SIPA1L1: variants seen among roughly 807,000 people sequenced by gnomAD.
The protein encoded by SIPA1L1 is signal induced proliferation associated 1 like 1.
SIPA1L1 carries 26 observed loss-of-function variants against 162.7 expected under a neutral mutation model. That is an observed-to-expected ratio of 0.16 (90% CI 0.12 to 0.22). The LOEUF is 0.22. Among genes scored for constraint, SIPA1L1 ranks in the 10% least tolerant of loss-of-function variants. SIPA1L1 has a pLI of 1.00. For synonymous variants in SIPA1L1, 829 were observed against 837.4 expected, an observed-to-expected ratio of 0.99 and a Z score of 0.17; for missense variants, 1,874 against 2,241.0, an observed-to-expected ratio of 0.84 and a Z score of 3.31.
intron 2 of SIPA1L1, among the ~76,000 whole-genome samples, chr14:71,391,103 CTTTTTTTTTT>C (rs36003254): frequency 2.8e-5 from 3 of 108,460 alleles, no homozygotes; most frequent in African/African-American, 1.0e-4. Context: ...TATTCAGTAT[CTTTTTTTTTT>C]TTTTTTTTTT....
chr14:71,525,564 C>T (rs1034835939), intron 3 of SIPA1L1, among the ~76,000 whole-genome samples: 2 of 152,202 alleles, frequency 1.3e-5, no homozygotes, highest in African/African-American at 4.8e-5. Flanking sequence ...TAAGCCCATA[C>T]AATAGAACGT....
intron 7 of SIPA1L1, among the ~76,000 whole-genome samples, chr14:71,646,656 C>T (rs754635959): frequency 3.6e-4 from 55 of 152,206 alleles, no homozygotes; most frequent in Non-Finnish European, 6.9e-4. Context: ...ACCACCATCA[C>T]TTTTGTATGT....
intron 19 of SIPA1L1, among the ~76,000 whole-genome samples, chr14:71,729,670 G>C (rs952523257): frequency 6.6e-6 from 1 of 152,164 alleles, no homozygotes; most frequent in Non-Finnish European, 1.5e-5. Flanking sequence ...GAGAGGTTTT[G>C]TGCTCCCGTT....
intron 2 of SIPA1L1, among the ~76,000 whole-genome samples, chr14:71,440,962 A>T (rs943466245): frequency 1.1e-4 from 17 of 152,264 alleles, no homozygotes; most frequent in African/African-American, 3.6e-4. Context: ...CTTTGCATAA[A>T]ACTGAAATTG....
At chr14:71,661,802 A>G (rs1296553965) in intron 10 of SIPA1L1, among the ~76,000 whole-genome samples, 3 of 152,250 alleles carry the variant, frequency 2.0e-5, no homozygotes, top group East Asian at 3.8e-4. Flanking sequence ...AAGAACGATT[A>G]TAATAAATAG....
chr14:71,328,403 G>C (rs1351240772), intron 2 of SIPA1L1, among the ~76,000 whole-genome samples: 3 of 152,212 alleles, frequency 2.0e-5, no homozygotes, highest in Non-Finnish European at 4.4e-5. Flanking sequence ...TCTCCTGGGG[G>C]AGAATGCTAG....
intron 12 of SIPA1L1, among the ~76,000 whole-genome samples, chr14:71,677,435 C>G (rs1357774157): frequency 3.9e-5 from 6 of 152,174 alleles, no homozygotes; most frequent in African/African-American, 1.4e-4. Context: ...CCTGTTCACT[C>G]TGATAGTAGT....
chr14:71,551,737 C>G (rs2055851937), intron 4 of SIPA1L1, among the ~76,000 whole-genome samples: 1 of 152,130 alleles, frequency 6.6e-6, no homozygotes, highest in African/African-American at 2.4e-5. Flanking sequence ...CTTTTCTTTT[C>G]TGGGTCATTT....
intron 2 of SIPA1L1, among the ~76,000 whole-genome samples, chr14:71,334,141 C>T (rs2034845283): frequency 1.3e-5 from 2 of 152,120 alleles, no homozygotes; most frequent in African/African-American, 4.8e-5. Context: ...CCAAGTGGAG[C>T]AGTCAGGTAG....
At chr14:71,407,478 C>CCCTTCCCTCCCCTTCCTT (rs2042105523) in intron 2 of SIPA1L1, among the ~76,000 whole-genome samples, 1 of 108,988 alleles carries the variant, frequency 9.2e-6, no homozygotes, top group Non-Finnish European at 2.0e-5. Flanking sequence ...TCCCTCCATT[C>CCCTTCCCTCCCCTTCCTT]CCTTCCCTCC....
At chr14:71,469,246 C>A (rs767243704) in intron 2 of SIPA1L1, among the ~76,000 whole-genome samples, 10 of 152,162 alleles carry the variant, frequency 6.6e-5, no homozygotes, top group Non-Finnish European at 1.3e-4. Context: ...AACCAAGCCC[C>A]AGCATCCCCA....
chr14:71,580,186 C>T (rs1447026339), intron 4 of SIPA1L1, among the ~76,000 whole-genome samples: 2 of 152,178 alleles, frequency 1.3e-5, no homozygotes, highest in South Asian at 2.1e-4. Flanking sequence ...TCTTCTTCCC[C>T]AGTATGCGAT....
intron 2 of SIPA1L1, among the ~76,000 whole-genome samples, chr14:71,370,629 C>G (rs1354461313): frequency 2.6e-5 from 4 of 152,148 alleles, no homozygotes; most frequent in Non-Finnish European, 5.9e-5. Flanking sequence ...CATATATGTA[C>G]TAAGAGCATA....
chr14:71,412,334 G>A (rs952524465), intron 2 of SIPA1L1, among the ~76,000 whole-genome samples: 2 of 152,160 alleles, frequency 1.3e-5, no homozygotes, highest in Non-Finnish European at 2.9e-5. Flanking sequence ...ATCAGCTATC[G>A]TTAGTGTATT....
chr14:71,428,301 A>G (rs570023551), intron 2 of SIPA1L1, among the ~76,000 whole-genome samples: 1 of 151,530 alleles, frequency 6.6e-6, no homozygotes, highest in East Asian at 1.9e-4. Context: ...CTGGCTGAAA[A>G]CTGGACATTT....
At chr14:71,374,034 G>GTCTTT (rs1346422700) in intron 2 of SIPA1L1, among the ~76,000 whole-genome samples, 1 of 152,196 alleles carries the variant, frequency 6.6e-6, no homozygotes, top group Non-Finnish European at 1.5e-5. Context: ...CAAGGAAGTG[G>GTCTTT]TCTTTGGAGC....
At chr14:71,587,539 C>T in intron 4 of SIPA1L1, 32 bp from the exon 5 acceptor site, 1 of 408,066 alleles carries the variant, frequency 2.5e-6, no homozygotes, top group Non-Finnish European at 4.3e-6. Flanking sequence ...ATGTATTTAT[C>T]TGCTAATTCA....
At chr14:71,634,453 A>G (rs1415172552) in intron 7 of SIPA1L1, among the ~76,000 whole-genome samples, 6 of 145,706 alleles carry the variant, frequency 4.1e-5, no homozygotes, top group Non-Finnish European at 9.1e-5. Flanking sequence ...TGAATCACAG[A>G]TTTTTTTTTT....
rs977349307 is a variant in SIPA1L1, at chr14:71,513,970, C to T, written c.-362+1125C>T. Among the ~76,000 whole-genome samples, 14 of 152,080 alleles carry T rather than the reference C, an allele frequency of 9.2e-5. No homozygotes were observed. The South Asian group carries it at 1.0e-3, about 11-fold the overall frequency. Reference sequence around the variant, plus strand: ...TGCTCTAAAGGCCTTTCATTACCGGCGGCGAATCCGTACGGGTCTGCAGCA... The same window carrying T: ...TGCTCTAAAGGCCTTTCATTACCGGTGGCGAATCCGTACGGGTCTGCAGCA... On this transcript the variant is annotated intron_variant, in intron 3 of 23. Transcript: ENST00000381232.
Sources: gnomAD v4.1 joint callset for allele counts (sites outside exome capture counted in the v4.1 genomes callset) on GRCh38, gnomAD v4.1.1 for gene constraint, MANE v1.5 for transcripts, NCBI Gene and HGNC (gene_info 2026-07-23, HGNC 2026-07-21) for gene names.